The following DPP10 variants were observed in gnomAD, a reference collection of about 807,000 sequenced individuals.
DPP10 encodes the protein inactive dipeptidyl peptidase 10.
Under a neutral mutation model 120.9 loss-of-function variants are expected in DPP10, and 33 were observed. The ratio of observed to expected loss-of-function variants is 0.27; its 90% CI spans 0.21 to 0.37. The LOEUF (loss-of-function observed/expected upper bound fraction) is 0.37, where lower values mean the gene tolerates loss of function less well. DPP10 is among the 10% of genes least tolerant of loss of function. The pLI is 1.00. For synonymous variants in DPP10, 337 were observed against 326.1 expected, an observed-to-expected ratio of 1.03 and a Z score of -0.36; for missense variants, 816 against 942.8, an observed-to-expected ratio of 0.87 and a Z score of 1.76.
chr2:114,547,308 CG>C (rs1170661683), intron 1 of DPP10, among the ~76,000 whole-genome samples: 2 of 152,228 alleles, frequency 1.3e-5, no homozygotes, highest in African/African-American at 2.4e-5. Context: ...TGCCCAGTCA[CG>C]GCTGCTGCTG....
rs1024345647 is a variant in DPP10 at position 114,638,423 on chromosome 2, G to T, written c.60+195585G>T. Among the ~76,000 whole-genome samples, 92 of 151,734 alleles carry T rather than the reference G, an allele frequency of 6.1e-4. 3 individuals are homozygous for T. The highest frequency in any genetic ancestry group is 2.1e-3 in the African/African-American group (88 of 41,188). ...CTAAAATCCAGAATCTATAAGAAAC[G>T]TAGGCAAAAAACAAATAATCCCATC... On this transcript the variant is annotated intron_variant, in intron 1 of 25. Coordinates refer to ENST00000410059, the MANE Select transcript of DPP10 (RefSeq NM_020868.6).
chr2:115,151,502 G>A (rs902221306), intron 1 of DPP10, among the ~76,000 whole-genome samples: 1 of 151,036 alleles, frequency 6.6e-6, no homozygotes, highest in East Asian at 2.0e-4. Context: ...CTGCCGCCTG[G>A]GTTCAAGTGA....
chr2:115,498,115 C>A lies in DPP10; in HGVS notation c.272-1395C>A, dbSNP rs1387709664. Reference sequence around the variant, plus strand: ...CTTACTTTCCTCCTTCCTAAAAAGTCCATTTGACTTTCCCTGTTTCCCAGG... The same window carrying A: ...CTTACTTTCCTCCTTCCTAAAAAGTACATTTGACTTTCCCTGTTTCCCAGG... On this transcript the variant is annotated intron_variant, in intron 3 of 25. Transcript: ENST00000410059. Among the ~76,000 whole-genome samples, 6 of 152,160 alleles carry A rather than the reference C, an allele frequency of 3.9e-5. No individual in the cohort carries two copies. The East Asian group carries it at 1.2e-3, about 29-fold the overall frequency.
In DPP10 at chr2:115,836,210, T is replaced by G. The variant is rs982277615; in HGVS notation, c.2004T>G (p.Phe668Leu). Residue 668 changes from phenylalanine to leucine, a missense_variant, in exon 22 of 26, where the codon TTT becomes TTG. Physicochemically the swap from Phe to Leu is conservative, Grantham distance 22. Coordinates refer to ENST00000410059, the MANE Select transcript of DPP10 (RefSeq NM_020868.6). ...TCTTAAAATCAGATGAAAAGCTTTT[T>G]AAATGTGGATCCGTGGTTGCACCTA... ...SMILKSDEKL[F>L]KCGSVVAPIT... is the part of the protein sequence containing the mutation. The G allele has an allele frequency of 1.2e-6, 2 of 1,608,880 alleles. No individual in the cohort carries two copies. Among genetic ancestry groups the G allele is most frequent in the African/African-American group, 2.7e-5 (2 of 74,726 alleles).
intron 7 of DPP10, among the ~76,000 whole-genome samples, chr2:115,707,473 ATTT>A (rs2092161336): frequency 6.7e-6 from 1 of 148,730 alleles, no homozygotes; most frequent in Admixed American, 6.7e-5. Context: ...CTCTCTCCAC[ATTT>A]TTTATTGGAA....
At chr2:114,631,627 G>A (rs779417839) in intron 1 of DPP10, among the ~76,000 whole-genome samples, 6 of 152,078 alleles carry the variant, frequency 3.9e-5, no homozygotes, top group African/African-American at 9.7e-5. Context: ...AAAGACTAGC[G>A]AAAGACTCTC....
Position 115,815,688 on chromosome 2 carries a change from C to T in DPP10, c.1909C>T (p.Leu637=). 1 of 1,600,218 alleles carries T rather than the reference C, an allele frequency of 6.2e-7. No individual in the cohort carries two copies. Among genetic ancestry groups the T allele is most frequent in the East Asian group, 2.2e-5 (1 of 44,626 alleles). Residue 637 remains leucine, a synonymous_variant, in exon 21 of 26, where the codon CTG becomes TTG. Coordinates refer to ENST00000410059, the MANE Select transcript of DPP10 (RefSeq NM_020868.6). ...TTTTCATTGCAGATTTTTGCTGAAA[C>T]TGCCTTACATTGACTCCAAAAGATT... ...QITAVKFLLK[L]PYIDSKRLSI... is the part of the protein sequence containing the mutation.
chr2:114,754,228 G>T (rs998595522), intron 1 of DPP10, among the ~76,000 whole-genome samples: 1 of 152,156 alleles, frequency 6.6e-6, no homozygotes, highest in Non-Finnish European at 1.5e-5. Flanking sequence ...CATGGGCCGA[G>T]GCTTAGTACA....
chr2:114,682,382 TTC>T (rs750546376), intron 1 of DPP10, among the ~76,000 whole-genome samples: 5 of 151,922 alleles, frequency 3.3e-5, no homozygotes, highest in Non-Finnish European at 4.4e-5. Flanking sequence ...AACCCTGAGA[TTC>T]TGTGATTGCA....
intron 21 of DPP10, among the ~76,000 whole-genome samples, chr2:115,827,665 G>A (rs1263011887): frequency 7.4e-5 from 11 of 149,482 alleles, no homozygotes; most frequent in Admixed American, 4.7e-4. Flanking sequence ...GTGTGATCTC[G>A]GCTCACTGCA....
At chr2:114,494,115 A>AAAAAAAAAAAAAC (rs1558810512) in intron 1 of DPP10, among the ~76,000 whole-genome samples, 2 of 142,542 alleles carry the variant, frequency 1.4e-5, no homozygotes, top group Non-Finnish European at 1.6e-5. Context: ...AAAAAAAAAA[A>AAAAAAAAAAAAAC]AAAAAACCCA....
At chr2:114,859,629 G>A (rs1014505780) in intron 1 of DPP10, among the ~76,000 whole-genome samples, 1 of 152,162 alleles carries the variant, frequency 6.6e-6, no homozygotes, top group Non-Finnish European at 1.5e-5. Context: ...AGTGCCAAAC[G>A]TTTCTCCCAC....
chr2:115,181,798 T>C (rs546491998), intron 1 of DPP10, among the ~76,000 whole-genome samples: 1 of 152,306 alleles, frequency 6.6e-6, no homozygotes, highest in East Asian at 1.9e-4. Context: ...TATCATTGGC[T>C]AAAACAACAG....
chr2:114,747,295 G>C (rs1467977474), intron 1 of DPP10, among the ~76,000 whole-genome samples: 4 of 152,058 alleles, frequency 2.6e-5, no homozygotes, highest in Admixed American at 6.6e-5. Flanking sequence ...ATGGGACTTT[G>C]GTCTGTCTTC....
At chr2:115,365,565 A>G (rs2065030750) in intron 3 of DPP10, among the ~76,000 whole-genome samples, 1 of 151,932 alleles carries the variant, frequency 6.6e-6, no homozygotes, top group African/African-American at 2.4e-5. Context: ...TCTTTATATG[A>G]AAGTATTTTT....
intron 1 of DPP10, among the ~76,000 whole-genome samples, chr2:114,485,892 G>A (rs1681474861): frequency 6.6e-6 from 1 of 152,106 alleles, no homozygotes; most frequent in Non-Finnish European, 1.5e-5. Flanking sequence ...ACGTGCCTGA[G>A]ATGAAAATAT....
chr2:115,085,759 T>G (rs12477921), intron 1 of DPP10, among the ~76,000 whole-genome samples: 36,992 of 152,136 alleles, frequency 0.24, 5,149 homozygotes, highest in East Asian at 0.31. Flanking sequence ...AACTGTTTTA[T>G]AAAATATGTT....
At chr2:115,774,770 T>C (rs950989214) in intron 13 of DPP10, among the ~76,000 whole-genome samples, 1 of 151,962 alleles carries the variant, frequency 6.6e-6, no homozygotes, top group Non-Finnish European at 1.5e-5. Context: ...AGACAGAAAA[T>C]TTTTCAAAGG....
intron 1 of DPP10, among the ~76,000 whole-genome samples, chr2:114,566,530 C>T (rs190276822): frequency 6.2e-4 from 94 of 152,260 alleles, no homozygotes; most frequent in Non-Finnish European, 1.8e-4. Context: ...CTGGTTTCTC[C>T]ACTAATGTCC....
Sources: gnomAD v4.1 joint callset for allele counts (sites outside exome capture counted in the v4.1 genomes callset) on GRCh38, gnomAD v4.1.1 for gene constraint, MANE v1.5 for transcripts, NCBI Gene and HGNC (gene_info 2026-07-23, HGNC 2026-07-21) for gene names.